The following FLNB variants were observed in gnomAD, a reference collection of about 807,000 sequenced individuals.
FLNB encodes the protein filamin B, also known as filamin-B.
FLNB carries 111 observed loss-of-function variants against 250.6 expected under a neutral mutation model. The observed-to-expected ratio is 0.44, with a 90% CI of 0.38 to 0.52. The LOEUF (loss-of-function observed/expected upper bound fraction) is 0.52, where lower values mean the gene tolerates loss of function less well. Ranked by LOEUF, FLNB falls within the 20% of genes least tolerant of loss-of-function variation. The pLI is 0.00. For missense variants in FLNB, 2,869 were observed against 3,447.8 expected, an observed-to-expected ratio of 0.83 and a Z score of 4.20; for synonymous variants, 1,302 against 1,372.1, an observed-to-expected ratio of 0.95 and a Z score of 1.13.
intron 23 of FLNB, among the ~76,000 whole-genome samples, chr3:58,126,117 C>T (rs999631311): frequency 6.6e-6 from 1 of 152,218 alleles, no homozygotes; most frequent in African/African-American, 2.4e-5. Context: ...CGGCTCACAC[C>T]TGTAATCTCA....
chr3:58,097,012 A>C (rs960496103), intron 6 of FLNB, among the ~76,000 whole-genome samples: 5 of 152,188 alleles, frequency 3.3e-5, no homozygotes, highest in Admixed American at 6.5e-5. Flanking sequence ...GATGACATCC[A>C]GGTGACCTAT....
intron 4 of FLNB, 35 bp from the exon 5 acceptor site, chr3:58,094,801 C>G: frequency 6.4e-7 from 1 of 1,573,674 alleles, no homozygotes; most frequent in Admixed American, 1.7e-5. Flanking sequence ...ACACCCTCGC[C>G]TGGCTTCTAA....
At chr3:58,146,292 G>A (rs1480813296) in intron 33 of FLNB, among the ~76,000 whole-genome samples, 2 of 152,204 alleles carry the variant, frequency 1.3e-5, no homozygotes, top group Non-Finnish European at 2.9e-5. Context: ...TATGTGACTT[G>A]TCTGGAATTT....
intron 16 of FLNB, among the ~76,000 whole-genome samples, chr3:58,110,676 C>G (rs1050445851): frequency 8.5e-5 from 13 of 152,124 alleles, no homozygotes; most frequent in Admixed American, 8.5e-4. Flanking sequence ...AAACTTCTGA[C>G]CTCAGATGAT....
chr3:58,121,641 C>T lies in FLNB; in HGVS notation c.3126+138C>T, dbSNP rs2097288939. 2.7e-6 allele frequency: 3 copies of T among 1,116,822 alleles called. No homozygotes were observed. The East Asian group carries it at 7.4e-5, about 27-fold the overall frequency. The allele number at this position is 1,116,822 out of a possible 1,614,324, so 69.2% of individuals were successfully genotyped here. A position where few individuals can be genotyped will look rare whatever the true frequency, so the allele number is the denominator to read the frequency against. ...GTTAGCACAATTCACTGTGAAAGGT[C>T]CCCTGGGTAGGTGGGTCACAACCCT... On this transcript the variant is annotated intron_variant, in intron 20 of 45. Coordinates refer to ENST00000295956, the MANE Select transcript of FLNB (RefSeq NM_001457.4).
intron 38 of FLNB, 67 bp downstream of exon 38, chr3:58,150,294 G>T: frequency 6.3e-7 from 1 of 1,599,956 alleles, no homozygotes; most frequent in South Asian, 1.1e-5. Flanking sequence ...GGGTGCCTTT[G>T]GGAACCAAGT....
intron 8 of FLNB, among the ~76,000 whole-genome samples, chr3:58,099,390 G>A (rs2097245314): frequency 6.6e-6 from 1 of 152,142 alleles, no homozygotes; most frequent in African/African-American, 2.4e-5. Flanking sequence ...GATAGCGTTA[G>A]GTATCAGTAC....
Position 58,123,257 on chromosome 3 carries a change from C to A in FLNB, c.3291C>A (p.Val1097=). ...CSDNGDGTCS[V]SYLPTKPGEY... is the part of the protein sequence containing the mutation. Reference sequence around the variant, plus strand: ...ACAATGGTGATGGGACCTGCTCCGTCTCTTACCTTCCCACAAAACCCGGGG... The same window carrying A: ...ACAATGGTGATGGGACCTGCTCCGTATCTTACCTTCCCACAAAACCCGGGG... Residue 1097 remains valine, a synonymous_variant, in exon 21 of 46, where the codon GTC becomes GTA. Transcript: ENST00000295956. 1 of 1,614,216 alleles carries A rather than the reference C, an allele frequency of 6.2e-7. No individual in the cohort carries two copies. The highest frequency in any genetic ancestry group is 8.5e-7 in the Non-Finnish European group (1 of 1,180,044).
At chr3:58,089,619 A>T (rs907409092) in intron 4 of FLNB, among the ~76,000 whole-genome samples, 4 of 152,132 alleles carry the variant, frequency 2.6e-5, no homozygotes, top group Non-Finnish European at 5.9e-5. Flanking sequence ...AAAAATCTCA[A>T]CAAAGAAATA....
At chr3:58,146,722 C>A in intron 33 of FLNB, 98 bp from the exon 34 acceptor site, 1 of 1,291,388 alleles carries the variant, frequency 7.7e-7, no homozygotes, top group Non-Finnish European at 1.1e-6. Context: ...TCCATTGTCC[C>A]CAGCATCAGG....
chr3:58,012,872 C>T (rs2097101013), intron 1 of FLNB, among the ~76,000 whole-genome samples: 1 of 152,184 alleles, frequency 6.6e-6, no homozygotes, highest in South Asian at 2.1e-4. Flanking sequence ...GTGTACATGC[C>T]TCCAGCTCTG....
Position 58,159,567 on chromosome 3 carries a change from A to G in FLNB, c.6902A>G (p.Lys2301Arg). ...TTAAATTCTCAGGAATCGGGATTAA[A>G]AGTTAACCAGCCAGCATCCTTTGCT... ...TVMSLQESGL[K>R]VNQPASFAIR... The change falls in exon 42 of 46, where the codon AAA becomes AGA. Residue 2301 changes from lysine (K) to arginine (R), a missense_variant. By Grantham distance (26) the Lys-to-Arg change is conservative. Transcript: ENST00000295956. The G allele has an allele frequency of 2.5e-6, 4 of 1,614,180 alleles. No homozygotes were observed. In the African/African-American group the frequency reaches 5.3e-5, roughly 22 times the overall value.
At chr3:58,056,105 AT>A (rs781244971) in intron 1 of FLNB, among the ~76,000 whole-genome samples, 2,736 of 128,672 alleles carry the variant, frequency 0.021, 40 homozygotes, top group East Asian at 0.052. Flanking sequence ...TTATTTATTT[AT>A]TTTTTTTTTT....
intron 41 of FLNB, among the ~76,000 whole-genome samples, chr3:58,157,839 C>T (rs1253244692): frequency 6.6e-6 from 1 of 152,216 alleles, no homozygotes; most frequent in Non-Finnish European, 1.5e-5. Context: ...GTGCTCTCGT[C>T]ATAGCTGGGT....
chr3:58,153,314 G>T, intron 38 of FLNB, 61 bp from the exon 39 acceptor site: 2 of 1,598,514 alleles, frequency 1.3e-6, no homozygotes, highest in Middle Eastern at 1.7e-4. Flanking sequence ...TGCATGTCCT[G>T]CCCTGTCTCA....
In FLNB at chr3:58,109,655, A is replaced by T; in HGVS notation, c.2279A>T (p.Asn760Ile). 1 of 1,614,154 alleles carries T rather than the reference A, an allele frequency of 6.2e-7. No homozygotes were observed. ...PGVERSGLKA[N>I]EPTHFTVDCT... ...GTGGAGAGAAGTGGTCTGAAGGCAA[A>T]TGAACCTACACACTTCACGGTGGAC... Residue 760 changes from asparagine to isoleucine, a missense_variant, in exon 15 of 46, where the codon AAT (asparagine) becomes ATT (isoleucine). Around this residue, in one of 5 missense-constraint regions of FLNB, gnomAD observed 1,348 missense variants for 1,466.7 expected, o/e 0.92. Coordinates refer to ENST00000295956, the MANE Select transcript of FLNB (RefSeq NM_001457.4).
In FLNB at chr3:58,134,651, C is replaced by T. The variant is rs372940610; in HGVS notation, c.4550C>T (p.Ala1517Val). The part of the protein sequence containing the change: ...FKVKVLPTYD[A>V]SKVTASGPGL... ...GTCAAGGTCCTTCCCACATATGATG[C>T]CAGCAAAGTGACTGCCAGTGGCCCC... Residue 1517 changes from alanine to valine, a missense_variant, in exon 27 of 46, where the codon GCC becomes GTC. Physicochemically the swap from Ala to Val is moderately conservative, Grantham distance 64. Coordinates refer to ENST00000295956, the MANE Select transcript of FLNB (RefSeq NM_001457.4). 3.7e-6 allele frequency: 6 copies of T among 1,613,994 alleles called. No homozygotes were observed. In the African/African-American group the frequency reaches 8.0e-5, roughly 22 times the overall value.
rs1248018992 is a variant in FLNB at position 58,171,493 on chromosome 3, C to CG, written c.*732dup. The CG allele has an allele frequency of 1.3e-5, 2 of 152,362 alleles. No individual in the cohort carries two copies. Among genetic ancestry groups the CG allele is most frequent in the African/African-American group, 4.8e-5 (2 of 41,442 alleles). The allele number at this position is 152,362 out of a possible 1,614,324, so 9.4% of individuals were successfully genotyped here. A position where few individuals can be genotyped will look rare whatever the true frequency, so the allele number is the denominator to read the frequency against. On this transcript the variant is annotated 3_prime_UTR_variant, in exon 46 of 46. Transcript: ENST00000295956. This position sits in a 1 kb window ranked among gnomAD's most constrained non-coding sequence, Gnocchi z 5.5. ...TGGTTTTGCTTTAGTTTTCCAAGTCCGTTTCAGTCCCTTCCTTGGTCTGAA... is the reference window on the plus strand; with the variant it reads ...TGGTTTTGCTTTAGTTTTCCAAGTCCGGTTTCAGTCCCTTCCTTGGTCTGAA...
rs1407350960 is a variant in FLNB at position 58,133,441 on chromosome 3, A to G, written c.4514+510A>G. 3.3e-4 allele frequency among the ~76,000 whole-genome samples: 19 copies of G among 56,924 alleles called. 1 individual carries two copies. The South Asian group carries it at 6.2e-3, about 19-fold the overall frequency. 37.3% of individuals were successfully genotyped at this position (56,924 alleles called of 152,430 possible). On this transcript the variant is annotated intron_variant, in intron 26 of 45. Coordinates refer to ENST00000295956, the MANE Select transcript of FLNB (RefSeq NM_001457.4). Reference sequence around the variant, plus strand: ...GACCCTCCCCTGACATCTCTGGAAAAAAAAAAAAAAAAAAAAAAAAAAAAG... The same window carrying G: ...GACCCTCCCCTGACATCTCTGGAAAGAAAAAAAAAAAAAAAAAAAAAAAAG...
Sources: allele counts gnomAD v4.1 joint callset (sites outside exome capture counted in the v4.1 genomes callset), GRCh38; gene constraint gnomAD v4.1.1; regional missense constraint gnomAD v4.1.1; non-coding constraint Gnocchi (gnomAD v3.1); transcripts MANE v1.5; gene names NCBI Gene and HGNC (gene_info 2026-07-23, HGNC 2026-07-21).